Variants in CDH18 observed in about 807,000 individuals in gnomAD.
The protein encoded by CDH18 is cadherin-18.
Under a neutral mutation model 67.9 loss-of-function variants are expected in CDH18, and 31 were observed. The observed-to-expected ratio is 0.46, with a 90% confidence interval of 0.34 to 0.62. CDH18 has a LOEUF of 0.62. CDH18 is among the 20% of genes least tolerant of loss of function. CDH18 has a pLI of 0.01. For synonymous variants in CDH18, 362 were observed against 347.2 expected (o/e 1.04, Z -0.48); for missense variants, 890 against 975.5 (o/e 0.91, Z 1.17).
chr5:20,519,589 G>T (rs1411109145), intron 1 of CDH18, among the ~76,000 whole-genome samples: 2 of 151,910 alleles, frequency 1.3e-5, no homozygotes, highest in Non-Finnish European at 2.9e-5. Flanking sequence ...CCCGCACATT[G>T]TGCACATATA....
At chr5:20,121,940 T>G (rs1748386027) in intron 2 of CDH18, among the ~76,000 whole-genome samples, 1 of 152,180 alleles carries the variant, frequency 6.6e-6, no homozygotes, top group Admixed American at 6.5e-5. Context: ...CTCTACCTTT[T>G]ATAAACACTA....
At chr5:20,267,256 C>T (rs1714602518) in intron 1 of CDH18, among the ~76,000 whole-genome samples, 1 of 152,084 alleles carries the variant, frequency 6.6e-6, no homozygotes, top group Non-Finnish European at 1.5e-5. Flanking sequence ...TATGTGGCTC[C>T]ATTTCTGGAT....
At chr5:19,983,043 A>AG (rs540344374) in intron 1 of CDH18, among the ~76,000 whole-genome samples, 1 of 151,134 alleles carries the variant, frequency 6.6e-6, no homozygotes, top group Non-Finnish European at 1.5e-5. Flanking sequence ...GAAAAAAAAA[A>AG]AAAAAAAGCC....
At chr5:20,559,096 C>A (rs550627100) in intron 1 of CDH18, among the ~76,000 whole-genome samples, 1 of 150,520 alleles carries the variant, frequency 6.6e-6, no homozygotes, top group East Asian at 2.0e-4. Context: ...TTCTGATTGG[C>A]CCCAAAGTGA....
chr5:20,389,797 C>T (rs966158959), intron 1 of CDH18, among the ~76,000 whole-genome samples: 2 of 152,004 alleles, frequency 1.3e-5, no homozygotes, highest in Non-Finnish European at 2.9e-5. Context: ...GAGATATAGA[C>T]CAATGGAAAA....
At chr5:20,050,057 T>C (rs2150488380) in intron 2 of CDH18, among the ~76,000 whole-genome samples, 1 of 151,574 alleles carries the variant, frequency 6.6e-6, no homozygotes, top group Middle Eastern at 3.4e-3. Flanking sequence ...AGTCAATAAA[T>C]AATGAATAAA....
chr5:20,054,155 ATCTT>A (rs2150495735), intron 2 of CDH18, among the ~76,000 whole-genome samples: 1 of 152,266 alleles, frequency 6.6e-6, no homozygotes, highest in East Asian at 1.9e-4. Flanking sequence ...ATTGTGCAAC[ATCTT>A]TCTTTAAAAA....
At chr5:19,883,613 T>A (rs564525935) in intron 2 of CDH18, among the ~76,000 whole-genome samples, 1 of 152,156 alleles carries the variant, frequency 6.6e-6, no homozygotes, top group Non-Finnish European at 1.5e-5. Flanking sequence ...TATTACATTT[T>A]ATTTGTTCAG....
chr5:20,405,712 A>C (rs548803898), intron 1 of CDH18, among the ~76,000 whole-genome samples: 1 of 152,356 alleles, frequency 6.6e-6, no homozygotes, highest in East Asian at 1.9e-4. Flanking sequence ...AATATCCAGA[A>C]TCTACAAAGA....
chr5:19,667,507 T>TATATAC (rs375306723), intron 5 of CDH18, among the ~76,000 whole-genome samples: 29 of 129,250 alleles, frequency 2.2e-4, no homozygotes, highest in Non-Finnish European at 3.4e-4. Flanking sequence ...TATATATATA[T>TATATAC]ACACACACAC....
intron 2 of CDH18, among the ~76,000 whole-genome samples, chr5:19,875,896 C>CTT (rs144505666): frequency 1.3e-5 from 2 of 151,466 alleles, no homozygotes; most frequent in South Asian, 4.2e-4. Flanking sequence ...TTAATTGTAA[C>CTT]TTTTTTTTAT....
chr5:19,945,905 T>C (rs752682564), intron 2 of CDH18, among the ~76,000 whole-genome samples: 13 of 152,048 alleles, frequency 8.5e-5, no homozygotes, highest in African/African-American at 2.2e-4. Context: ...ATTCATGTCA[T>C]TGGAGTTAGA....
intron 3 of CDH18, among the ~76,000 whole-genome samples, chr5:19,769,423 A>G (rs942657730): frequency 2.6e-5 from 4 of 152,088 alleles, no homozygotes; most frequent in Non-Finnish European, 2.9e-5. Context: ...GAAAACTACT[A>G]TCAACTAAAG....
At chr5:19,502,313 A>C (rs951484631) in intron 11 of CDH18, among the ~76,000 whole-genome samples, 1 of 152,178 alleles carries the variant, frequency 6.6e-6, no homozygotes, top group Non-Finnish European at 1.5e-5. Flanking sequence ...AGAAAACTGC[A>C]CATACCATAT....
intron 12 of CDH18, among the ~76,000 whole-genome samples, chr5:19,475,971 A>G (rs1316887799): frequency 6.6e-6 from 1 of 152,232 alleles, no homozygotes; most frequent in Middle Eastern, 3.4e-3. Context: ...ATTTTAATGT[A>G]TAACTCTAAT....
chr5:19,778,507 A>G (rs896135693), intron 3 of CDH18, among the ~76,000 whole-genome samples: 3 of 152,210 alleles, frequency 2.0e-5, no homozygotes, highest in Non-Finnish European at 2.9e-5. Context: ...GATGGAATAC[A>G]TAATCAAGAT....
intron 1 of CDH18, among the ~76,000 whole-genome samples, chr5:20,542,466 T>C (rs1366153460): frequency 6.6e-6 from 1 of 151,612 alleles, no homozygotes; most frequent in African/African-American, 2.4e-5. Context: ...CATACACATA[T>C]GTATACACAC....
At chr5:20,394,464 A>G (rs966098784) in intron 1 of CDH18, among the ~76,000 whole-genome samples, 6 of 152,142 alleles carry the variant, frequency 3.9e-5, no homozygotes, top group Non-Finnish European at 8.8e-5. Flanking sequence ...AAGATCTGAA[A>G]CCATTAACAT....
chr5:19,862,235 A>G (rs1298377735), intron 2 of CDH18, among the ~76,000 whole-genome samples: 1 of 152,210 alleles, frequency 6.6e-6, no homozygotes, highest in Non-Finnish European at 1.5e-5. Flanking sequence ...AATCTAATTA[A>G]TGATCAATTC....
Sources: gnomAD v4.1 joint callset for allele counts (sites outside exome capture counted in the v4.1 genomes callset) on GRCh38, gnomAD v4.1.1 for gene constraint, MANE v1.5 for transcripts, NCBI Gene and HGNC (gene_info 2026-07-23, HGNC 2026-07-21) for gene names.